The following C8orf74 variants were observed in gnomAD, a reference collection of about 807,000 sequenced individuals.
The protein encoded by C8orf74 is uncharacterized protein C8orf74.
A neutral mutation model predicts 22.2 loss-of-function variants in C8orf74; 29 were observed. The observed-to-expected ratio is 1.31, with a 90% CI of 0.97 to 1.78. C8orf74 has a LOEUF of 1.78. Among genes scored for constraint, C8orf74 ranks in the 40% most tolerant of loss-of-function variants. The pLI is 0.00. For missense variants in C8orf74, 515 were observed against 369.9 expected (o/e 1.39, Z -3.22); for synonymous variants, 255 against 163.1 (o/e 1.56, Z -4.30).
Position 10,700,350 on chromosome 8 carries a change from A to G in C8orf74, c.764A>G (p.Lys255Arg), listed in dbSNP as rs1586058215. ...ATCTTGGACCTGAAGCTTCAGAAGAAGACTCTGAACCTCAACGCCCCCACC... is the reference window on the plus strand; with the variant it reads ...ATCTTGGACCTGAAGCTTCAGAAGAGGACTCTGAACCTCAACGCCCCCACC... ...FAILDLKLQK[K>R]TLNLNAPTPI... The change falls in exon 4 of 4, where the codon AAG (lysine) becomes AGG (arginine). Residue 255 changes from lysine to arginine, a missense_variant. Lys to Arg is a conservative substitution (Grantham distance 26). Coordinates refer to ENST00000304519, the MANE Select transcript of C8orf74 (RefSeq NM_001040032.2). The G allele has an allele frequency of 2.5e-6, 4 of 1,613,742 alleles. No individual in the cohort carries two copies. Among genetic ancestry groups the G allele is most frequent in the Non-Finnish European group, 3.4e-6 (4 of 1,179,700 alleles).
intron 2 of C8orf74, among the ~76,000 whole-genome samples, chr8:10,685,686 T>C (rs1363362033): frequency 6.6e-6 from 1 of 152,118 alleles, no homozygotes; most frequent in African/African-American, 2.4e-5. Context: ...AGTTCTAGTT[T>C]GGGATGATAA....
At chr8:10,681,560 C>A (rs1799149145) in intron 2 of C8orf74, among the ~76,000 whole-genome samples, 1 of 152,142 alleles carries the variant, frequency 6.6e-6, no homozygotes, top group Non-Finnish European at 1.5e-5. Flanking sequence ...GGGACAGCCT[C>A]CCCTGCTTCA....
At chr8:10,683,361 G>A (rs925421776) in intron 2 of C8orf74, among the ~76,000 whole-genome samples, 16 of 152,208 alleles carry the variant, frequency 1.1e-4, no homozygotes, top group African/African-American at 3.1e-4. Flanking sequence ...GATGGTACAC[G>A]TTCTCTCAGG....
rs1054920593 is a variant in C8orf74 at position 10,673,078 on chromosome 8, A to T, written c.48+365A>T. Among the ~76,000 whole-genome samples, 4 of 152,140 alleles carry T rather than the reference A, an allele frequency of 2.6e-5. No individual in the cohort carries two copies. The East Asian group carries it at 7.8e-4, about 29-fold the overall frequency. The stretch of plus-strand genomic sequence containing the variant: ...AGGGGGTGCTGTCTAGATTAGGCAG[A>T]AGAGTGGTGGCAGTGGAAGAGGAGT... On this transcript the variant is annotated intron_variant, in intron 1 of 3. Transcript: ENST00000304519.
chr8:10,672,777 G>A (rs1320946788), intron 1 of C8orf74, 64 bp downstream of exon 1: 4 of 1,463,922 alleles, frequency 2.7e-6, no homozygotes, highest in East Asian at 2.5e-5. Flanking sequence ...ATAGGGAGGT[G>A]GGCACTGGAA....
At chr8:10,682,185 C>A (rs549022260) in intron 2 of C8orf74, among the ~76,000 whole-genome samples, 4 of 152,306 alleles carry the variant, frequency 2.6e-5, no homozygotes, top group African/African-American at 9.6e-5. Context: ...GAACCTGACA[C>A]CCCTCAGGCG....
chr8:10,672,779 G>T, intron 1 of C8orf74, 66 bp downstream of exon 1: 1 of 1,436,080 alleles, frequency 7.0e-7, no homozygotes, highest in Non-Finnish European at 9.6e-7. Flanking sequence ...AGGGAGGTGG[G>T]CACTGGAAGC....
chr8:10,685,798 A>G (rs1799250838), intron 2 of C8orf74, among the ~76,000 whole-genome samples: 1 of 152,226 alleles, frequency 6.6e-6, no homozygotes, highest in Non-Finnish European at 1.5e-5. Flanking sequence ...GGCCGGGTAA[A>G]GTGGCTCACG....
intron 2 of C8orf74, among the ~76,000 whole-genome samples, chr8:10,679,405 C>T (rs1799100793): frequency 6.6e-6 from 1 of 152,188 alleles, no homozygotes; most frequent in African/African-American, 2.4e-5. Context: ...AGCCTTTCCT[C>T]CCTCGGCTTT....
At chr8:10,680,774 G>A (rs1184222515) in intron 2 of C8orf74, among the ~76,000 whole-genome samples, 1 of 152,188 alleles carries the variant, frequency 6.6e-6, no homozygotes, top group Non-Finnish European at 1.5e-5. Context: ...AGGGGGCCCA[G>A]GCGGCCAGGG....
At chr8:10,688,476 CT>C (rs1455956361) in intron 2 of C8orf74, 1 of 152,280 alleles carries the variant, frequency 6.6e-6, no homozygotes, top group African/African-American at 2.4e-5. Flanking sequence ...CCTACTGCCC[CT>C]GACAGAGGAG....
At chr8:10,689,349 C>T (rs759175803) in intron 2 of C8orf74, 16 of 152,330 alleles carry the variant, frequency 1.1e-4, no homozygotes, top group Non-Finnish European at 2.1e-4. Context: ...GAGAGATGTG[C>T]TCCTTGGTCC....
intron 2 of C8orf74, among the ~76,000 whole-genome samples, chr8:10,678,067 A>G (rs1329600698): frequency 2.0e-5 from 3 of 152,294 alleles, no homozygotes; most frequent in Admixed American, 6.5e-5. Context: ...CGTGTGAGGC[A>G]TGGTTAATAC....
intron 3 of C8orf74, among the ~76,000 whole-genome samples, chr8:10,698,848 T>C (rs1198368810): frequency 7.3e-5 from 11 of 150,822 alleles, no homozygotes; most frequent in Admixed American, 7.3e-4. Flanking sequence ...TTCTGAATCA[T>C]CAGCTGAAGA....
At chr8:10,682,350 T>C (rs776032690) in intron 2 of C8orf74, among the ~76,000 whole-genome samples, 5 of 152,190 alleles carry the variant, frequency 3.3e-5, no homozygotes, top group Non-Finnish European at 5.9e-5. Context: ...TTTACCAGGG[T>C]TGCTGCACAG....
chr8:10,690,557 G>C (rs991620183), intron 2 of C8orf74, among the ~76,000 whole-genome samples: 1 of 152,164 alleles, frequency 6.6e-6, no homozygotes, highest in African/African-American at 2.4e-5. Flanking sequence ...GCCTGACTTG[G>C]TTCCTGCCCC....
chr8:10,680,496 C>CA (rs1799126560), intron 2 of C8orf74, among the ~76,000 whole-genome samples: 1 of 152,246 alleles, frequency 6.6e-6, no homozygotes, highest in Non-Finnish European at 1.5e-5. Context: ...ATCAAACAGA[C>CA]AGAAGGTGCC....
At chr8:10,681,696 G>A (rs1049404971) in intron 2 of C8orf74, among the ~76,000 whole-genome samples, 3 of 152,296 alleles carry the variant, frequency 2.0e-5, no homozygotes, top group African/African-American at 7.2e-5. Flanking sequence ...ATCATCACGC[G>A]TGGCAGGCAC....
At chr8:10,693,847 G>T (rs28562927) in intron 2 of C8orf74, among the ~76,000 whole-genome samples, 3,417 of 152,318 alleles carry the variant, frequency 0.022, 122 homozygotes, top group African/African-American at 0.078. Context: ...AGAAGACAGA[G>T]CCCTGGCTTC....
Sources: allele counts gnomAD v4.1 joint callset (sites outside exome capture counted in the v4.1 genomes callset), GRCh38; gene constraint gnomAD v4.1.1; transcripts MANE v1.5; gene names NCBI Gene and HGNC (gene_info 2026-07-23, HGNC 2026-07-21).